The following AKAP19 variants were observed in gnomAD, a reference collection of about 807,000 sequenced individuals.
AKAP19 encodes the protein A-kinase anchoring protein 19, also known as small A-kinase anchoring protein.
chr2:190,150,766 CTTTT>C, the AKAP19 span, among the ~76,000 whole-genome samples: 1 of 144,366 alleles, frequency 6.9e-6, no homozygotes, highest in Non-Finnish European at 1.5e-5. Flanking sequence ...TGATCTCCTG[CTTTT>C]TTTTTTTTTT....
the AKAP19 span, among the ~76,000 whole-genome samples, chr2:189,932,162 T>C: frequency 1.5e-4 from 23 of 152,248 alleles, no homozygotes; most frequent in Non-Finnish European, 2.6e-4. Flanking sequence ...CCTCAGTCTT[T>C]CTTTTTATGA....
At chr2:189,889,301 A>G in the AKAP19 span, among the ~76,000 whole-genome samples, 2 of 152,180 alleles carry the variant, frequency 1.3e-5, no homozygotes, top group Admixed American at 1.3e-4. Context: ...ATCGTGTTGG[A>G]TAAGCTTTTT....
the AKAP19 span, among the ~76,000 whole-genome samples, chr2:190,040,161 T>A: frequency 2.0e-5 from 3 of 152,232 alleles, no homozygotes; most frequent in Admixed American, 6.5e-5. Context: ...GTGTTCCTTT[T>A]TCTCCACAAC....
the AKAP19 span, among the ~76,000 whole-genome samples, chr2:190,048,712 A>G: frequency 1.3e-5 from 2 of 152,238 alleles, no homozygotes; most frequent in South Asian, 2.1e-4. Context: ...TAAATTGCCT[A>G]TAATAATTTT....
At chr2:190,011,399 A>T in the AKAP19 span, among the ~76,000 whole-genome samples, 6 of 152,038 alleles carry the variant, frequency 3.9e-5, no homozygotes, top group Non-Finnish European at 8.8e-5. Context: ...TCACTCTGCT[A>T]ATTGTTTTCT....
chr2:190,140,892 G>C, the AKAP19 span, among the ~76,000 whole-genome samples: 1 of 152,006 alleles, frequency 6.6e-6, no homozygotes, highest in Non-Finnish European at 1.5e-5. Flanking sequence ...TTTTCCAAAC[G>C]TTTGTGTTCT....
the AKAP19 span, chr2:190,200,128 AT>A: frequency 6.2e-7 from 1 of 1,613,804 alleles, no homozygotes; most frequent in Non-Finnish European, 8.5e-7. Flanking sequence ...CATTCCATAC[AT>A]TGAGAGTGAG....
chr2:190,006,171 A>G, the AKAP19 span, among the ~76,000 whole-genome samples: 1 of 152,208 alleles, frequency 6.6e-6, no homozygotes, highest in African/African-American at 2.4e-5. Context: ...TGAAAAGTTT[A>G]TATTAGAAAA....
At chr2:190,160,403 A>C in the AKAP19 span, among the ~76,000 whole-genome samples, 1 of 152,082 alleles carries the variant, frequency 6.6e-6, no homozygotes, top group Non-Finnish European at 1.5e-5. Flanking sequence ...CCCTACTTCA[A>C]AATGCCAAAC....
At chr2:190,146,036 C>A in the AKAP19 span, among the ~76,000 whole-genome samples, 1 of 149,584 alleles carries the variant, frequency 6.7e-6, no homozygotes. Context: ...TATTGGGGTA[C>A]AGCTGGTATT....
At chr2:190,045,557 C>T in the AKAP19 span, among the ~76,000 whole-genome samples, 7 of 152,036 alleles carry the variant, frequency 4.6e-5, no homozygotes, top group Non-Finnish European at 8.8e-5. Context: ...TCCCCCTGGC[C>T]CATACTCTCC....
At chr2:190,174,729 G>A in the AKAP19 span, among the ~76,000 whole-genome samples, 1 of 152,252 alleles carries the variant, frequency 6.6e-6, no homozygotes, top group East Asian at 1.9e-4. Flanking sequence ...GGTTATTGCA[G>A]TATTTATATG....
At chr2:190,143,095 C>G in the AKAP19 span, among the ~76,000 whole-genome samples, 354 of 152,034 alleles carry the variant, frequency 2.3e-3, 4 homozygotes, top group African/African-American at 8.0e-3. Flanking sequence ...TAATAAGGTC[C>G]TATTTGTGAA....
chr2:190,013,991 T>C, the AKAP19 span, among the ~76,000 whole-genome samples: 29 of 152,296 alleles, frequency 1.9e-4, no homozygotes, highest in Non-Finnish European at 3.5e-4. Context: ...TTGTTCTTTT[T>C]CTAGTTCCTT....
the AKAP19 span, among the ~76,000 whole-genome samples, chr2:190,101,637 T>C: frequency 6.6e-6 from 1 of 151,206 alleles, no homozygotes; most frequent in Admixed American, 6.6e-5. Context: ...CTATTCTAAA[T>C]ATATATGTAC....
the AKAP19 span, among the ~76,000 whole-genome samples, chr2:189,919,138 G>C: frequency 6.6e-6 from 1 of 152,160 alleles, no homozygotes; most frequent in East Asian, 1.9e-4. Flanking sequence ...GAGGGTCCTG[G>C]GACATATCCT....
chr2:189,947,740 T>C, the AKAP19 span, among the ~76,000 whole-genome samples: 7 of 152,148 alleles, frequency 4.6e-5, no homozygotes, highest in Admixed American at 2.6e-4. Context: ...GGGTTAAATC[T>C]GTAACCCATA....
the AKAP19 span, among the ~76,000 whole-genome samples, chr2:189,968,393 A>C: frequency 6.6e-6 from 1 of 152,050 alleles, no homozygotes; most frequent in Non-Finnish European, 1.5e-5. Context: ...AAGTACGACT[A>C]TGCCTGGCTA....
the AKAP19 span, among the ~76,000 whole-genome samples, chr2:190,046,788 G>C: frequency 6.6e-6 from 1 of 152,096 alleles, no homozygotes; most frequent in Non-Finnish European, 1.5e-5. Flanking sequence ...CTTTCTACTA[G>C]GCGGTGTTAT....
Sources: allele counts gnomAD v4.1 joint callset (sites outside exome capture counted in the v4.1 genomes callset), GRCh38; gene constraint gnomAD v4.1.1; transcripts MANE v1.5; gene names NCBI Gene and HGNC (gene_info 2026-07-23, HGNC 2026-07-21).